The following MAP4K5 variants were observed in gnomAD, a reference collection of about 807,000 sequenced individuals.
The protein encoded by MAP4K5 is MAPK/ERK kinase kinase kinase 5.
MAP4K5 carries 82 observed loss-of-function variants against 135.6 expected under a neutral mutation model. The observed-to-expected ratio is 0.60, with a 90% confidence interval of 0.51 to 0.73. MAP4K5 has a LOEUF of 0.73. Ranked by LOEUF, MAP4K5 falls within the 30% of genes least tolerant of loss-of-function variation. The pLI is 0.00. For synonymous variants in MAP4K5, 347 were observed against 335.0 expected (o/e 1.04, Z -0.39); for missense variants, 907 against 1,010.9 (o/e 0.90, Z 1.39).
chr14:50,493,944 T>C (rs1000763977), intron 3 of MAP4K5, among the ~76,000 whole-genome samples: 12 of 150,372 alleles, frequency 8.0e-5, no homozygotes, highest in African/African-American at 2.9e-4. Context: ...GCTGAGATCA[T>C]GCCACCGCAC....
At chr14:50,525,197 C>T (rs995211640) in intron 2 of MAP4K5, among the ~76,000 whole-genome samples, 22 of 152,174 alleles carry the variant, frequency 1.4e-4, no homozygotes, top group African/African-American at 4.8e-4. Context: ...ACCTACCAGA[C>T]ACATTCACCT....
intron 3 of MAP4K5, among the ~76,000 whole-genome samples, chr14:50,492,387 T>G (rs1285919126): frequency 6.6e-6 from 1 of 150,378 alleles, no homozygotes; most frequent in Non-Finnish European, 1.5e-5. Context: ...AGCCCAGGAG[T>G]TCAAGACCAG....
At chr14:50,489,058 G>C (rs1032452904) in intron 3 of MAP4K5, among the ~76,000 whole-genome samples, 2 of 152,160 alleles carry the variant, frequency 1.3e-5, no homozygotes, top group African/African-American at 4.8e-5. Flanking sequence ...TCTTTTAACT[G>C]GGTGATACGC....
intron 2 of MAP4K5, among the ~76,000 whole-genome samples, chr14:50,540,728 T>C (rs961271166): frequency 6.6e-6 from 1 of 152,174 alleles, no homozygotes; most frequent in Non-Finnish European, 1.5e-5. Flanking sequence ...TATATGTGAG[T>C]ATAGATATAT....
intron 13 of MAP4K5, among the ~76,000 whole-genome samples, chr14:50,458,250 T>A (rs1409449079): frequency 2.0e-5 from 3 of 152,208 alleles, no homozygotes; most frequent in Non-Finnish European, 4.4e-5. Context: ...AAGAGCAGTG[T>A]TGCTTCTCCC....
intron 6 of MAP4K5, among the ~76,000 whole-genome samples, chr14:50,476,765 A>G (rs2139879556): frequency 6.6e-6 from 1 of 152,296 alleles, no homozygotes; most frequent in East Asian, 1.9e-4. Context: ...CCCGGCCTGA[A>G]GATTTCTAAT....
chr14:50,546,889 C>T (rs143767938), intron 1 of MAP4K5, among the ~76,000 whole-genome samples: 2,258 of 152,000 alleles, frequency 0.015, 48 homozygotes, highest in African/African-American at 0.051. Context: ...GCGGAACATG[C>T]AGGTTTGTTA....
At chr14:50,554,698 G>T (rs2038744055) in intron 1 of MAP4K5, among the ~76,000 whole-genome samples, 1 of 152,198 alleles carries the variant, frequency 6.6e-6, no homozygotes, top group Admixed American at 6.5e-5. Context: ...AGAAGTTACA[G>T]AAAATTTGTT....
In MAP4K5 at chr14:50,467,431, T is replaced by G. The variant is rs1448097173; in HGVS notation, c.675-786A>C. Among the ~76,000 whole-genome samples, 3 of 152,086 alleles carry G rather than the reference T, an allele frequency of 2.0e-5. No individual in the cohort carries two copies. The East Asian group carries it at 5.8e-4, about 29-fold the overall frequency. On this transcript the variant is annotated intron_variant, in intron 10 of 32. Coordinates refer to ENST00000682126, the MANE Select transcript of MAP4K5 (RefSeq NM_006575.6). ...ATCTCTTTAAAACATTTTTCTAATC[T>G]TTTTAGTCTTTATCTAAATGCTTAC...
chr14:50,531,890 A>G (rs1732873531), intron 2 of MAP4K5, 52 bp downstream of exon 2: 1 of 1,287,336 alleles, frequency 7.8e-7, no homozygotes, highest in Non-Finnish European at 1.1e-6. Context: ...AAGTGGCCCC[A>G]TTCCCGGGAC....
chr14:50,560,585 A>G (rs960223822), intron 1 of MAP4K5: 2 of 481,410 alleles, frequency 4.2e-6, no homozygotes. Flanking sequence ...TTTGGACAGC[A>G]CCCACCAGGC....
At chr14:50,476,822 A>G (rs1018023338) in intron 6 of MAP4K5, among the ~76,000 whole-genome samples, 1 of 152,208 alleles carries the variant, frequency 6.6e-6, no homozygotes, top group Non-Finnish European at 1.5e-5. Flanking sequence ...CACAATCAAG[A>G]TATCAAATAT....
At chr14:50,470,534 T>C (rs568954702) in intron 9 of MAP4K5, among the ~76,000 whole-genome samples, 1 of 152,222 alleles carries the variant, frequency 6.6e-6, no homozygotes, top group East Asian at 1.9e-4. Context: ...TTTTTTTCTG[T>C]TAAAGTGATT....
At chr14:50,492,441 A>G (rs2037504086) in intron 3 of MAP4K5, among the ~76,000 whole-genome samples, 1 of 152,028 alleles carries the variant, frequency 6.6e-6, no homozygotes, top group Non-Finnish European at 1.5e-5. Flanking sequence ...AAAAAACACA[A>G]AAATTAGCCA....
intron 1 of MAP4K5, among the ~76,000 whole-genome samples, chr14:50,556,744 A>G (rs908254627): frequency 2.0e-5 from 3 of 152,208 alleles, no homozygotes; most frequent in African/African-American, 7.2e-5. Flanking sequence ...GAATCATATA[A>G]TATGTGGTCT....
upstream of MAP4K5, chr14:50,533,112 C>A (rs145962477): frequency 6.6e-6 from 1 of 152,438 alleles, no homozygotes; most frequent in Non-Finnish European, 1.5e-5. Context: ...ACCTGCACAA[C>A]CTGCCTTCTA....
chr14:50,424,107 C>A (rs887736755), intron 31 of MAP4K5, among the ~76,000 whole-genome samples: 2 of 150,908 alleles, frequency 1.3e-5, no homozygotes, highest in African/African-American at 2.4e-5. Flanking sequence ...TATTTGAGTC[C>A]TTGTCTTAGG....
chr14:50,471,249 T>C (rs754055264), intron 9 of MAP4K5, among the ~76,000 whole-genome samples: 5 of 152,102 alleles, frequency 3.3e-5, no homozygotes, highest in Non-Finnish European at 7.4e-5. Context: ...TAATTCCAAA[T>C]ATTTTCCAAT....
chr14:50,435,364 C>T (rs935318103), intron 26 of MAP4K5, among the ~76,000 whole-genome samples: 5 of 151,906 alleles, frequency 3.3e-5, no homozygotes, highest in Non-Finnish European at 5.9e-5. Context: ...CCCTCCCGTC[C>T]TCCTTCTTTC....
Sources: gnomAD v4.1 joint callset for allele counts (sites outside exome capture counted in the v4.1 genomes callset) on GRCh38, gnomAD v4.1.1 for gene constraint, MANE v1.5 for transcripts, NCBI Gene and HGNC (gene_info 2026-07-23, HGNC 2026-07-21) for gene names.